Variants in HDAC9 observed in about 807,000 individuals in gnomAD.
HDAC9 encodes the protein histone deacetylase 9.
In HDAC9, 41 loss-of-function variants were observed where a neutral mutation model predicts 139.4. The ratio of observed to expected loss-of-function variants is 0.29; its 90% confidence interval spans 0.23 to 0.38. The LOEUF is 0.38. Ranked by LOEUF, HDAC9 falls within the 10% of genes least tolerant of loss-of-function variation. HDAC9 has a pLI of 1.00. For missense variants in HDAC9, 1,147 were observed against 1,297.0 expected (o/e 0.88, Z 1.78); for synonymous variants, 517 against 476.2 (o/e 1.09, Z -1.12).
intron 2 of HDAC9, among the ~76,000 whole-genome samples, chr7:18,561,494 T>G (rs1820581040): frequency 6.6e-6 from 1 of 152,206 alleles, no homozygotes; most frequent in Non-Finnish European, 1.5e-5. Flanking sequence ...TTGAGTATAT[T>G]TTAGTCTATT....
intron 6 of HDAC9, among the ~76,000 whole-genome samples, chr7:18,607,031 A>C (rs1424825282): frequency 6.6e-6 from 1 of 152,194 alleles, no homozygotes; most frequent in Non-Finnish European, 1.5e-5. Flanking sequence ...TACATTTTTT[A>C]CTTTAAAATA....
intron 1 of HDAC9, among the ~76,000 whole-genome samples, chr7:18,392,394 TA>T (rs1405420930): frequency 5.6e-5 from 7 of 124,148 alleles, no homozygotes; most frequent in Admixed American, 1.6e-4. Flanking sequence ...GATGGATAGA[TA>T]GATGGATAGA....
At chr7:18,193,358 C>T (rs1790491539) in intron 2 of HDAC9, among the ~76,000 whole-genome samples, 2 of 152,192 alleles carry the variant, frequency 1.3e-5, no homozygotes, top group African/African-American at 2.4e-5. Flanking sequence ...TTATTGAGCT[C>T]CTACTTAGTA....
intron 23 of HDAC9, among the ~76,000 whole-genome samples, chr7:18,950,332 G>C (rs1782704786): frequency 6.6e-6 from 1 of 152,038 alleles, no homozygotes; most frequent in Middle Eastern, 3.2e-3. Context: ...ATGCATAGGA[G>C]AAAATAATTG....
chr7:18,427,849 C>G (rs558876351), intron 1 of HDAC9, among the ~76,000 whole-genome samples: 46 of 152,006 alleles, frequency 3.0e-4, no homozygotes, highest in African/African-American at 1.1e-3. Context: ...AATTATTCAC[C>G]GTGCATAACT....
In HDAC9 at chr7:18,999,297, G is replaced by A. The variant is rs1003673336; in HGVS notation, c.*3235G>A. On this transcript the variant is annotated 3_prime_UTR_variant, in exon 26 of 26. Coordinates refer to ENST00000686413, the MANE Select transcript of HDAC9 (RefSeq NM_178425.4). ...CCCACAAAGGCTTCAGAAATTACAG[G>A]ACTGGTCTCTCTTAATAGTTTAGTC... 2 of 152,172 alleles carry A rather than the reference G, an allele frequency of 1.3e-5. No individual in the cohort carries two copies. Among genetic ancestry groups the A allele is most frequent in the African/African-American group, 4.8e-5 (2 of 41,422 alleles). The allele number at this position is 152,172 out of a possible 1,614,324, so 9.4% of individuals were successfully genotyped here.
intron 3 of HDAC9, among the ~76,000 whole-genome samples, chr7:18,588,100 A>G (rs1829955420): frequency 6.6e-6 from 1 of 152,186 alleles, no homozygotes; most frequent in African/African-American, 2.4e-5. Flanking sequence ...AGTAACCAGA[A>G]ATGCTTCTAA....
chr7:18,629,290 CA>C, intron 6 of HDAC9, 59 bp from the exon 7 acceptor site: 2 of 1,403,870 alleles, frequency 1.4e-6, no homozygotes, highest in Non-Finnish European at 1.9e-6. Flanking sequence ...AACACATGAG[CA>C]ATTGGCTCTC....
rs886084619 is a variant in HDAC9 at position 18,986,772 on chromosome 7, G to A, written c.3171-9251G>A. 6.2e-4 allele frequency among the ~76,000 whole-genome samples: 95 copies of A among 152,156 alleles called. 1 individual carries two copies. Among genetic ancestry groups the A allele is most frequent in the Middle Eastern group, 6.8e-3 (2 of 294 alleles). ...TGAGCAGTGGTTTGTAGTTCTCCTT[G>A]AAGAGGTCCTTCACATCCCTTGTAA... is the stretch of plus-strand genomic sequence containing the variant. On this transcript the variant is annotated intron_variant, in intron 25 of 25. Transcript: ENST00000686413.
chr7:18,399,845 A>T (rs1787377222), intron 1 of HDAC9, among the ~76,000 whole-genome samples: 1 of 152,220 alleles, frequency 6.6e-6, no homozygotes, highest in African/African-American at 2.4e-5. Flanking sequence ...GCACCTGTGT[A>T]GCTGGCAAAT....
At chr7:18,145,594 A>G (rs1215585994) in intron 1 of HDAC9, among the ~76,000 whole-genome samples, 1 of 152,248 alleles carries the variant, frequency 6.6e-6, no homozygotes, top group Non-Finnish European at 1.5e-5. Flanking sequence ...GAATGACTAT[A>G]TATTAGTACT....
At chr7:18,507,340 G>T (rs1426223606) in intron 2 of HDAC9, among the ~76,000 whole-genome samples, 1 of 150,768 alleles carries the variant, frequency 6.6e-6, no homozygotes, top group Non-Finnish European at 1.5e-5. Flanking sequence ...ACAGGCGCCC[G>T]CCACCACGCC....
chr7:18,698,168 T>C (rs1022749910), intron 12 of HDAC9, among the ~76,000 whole-genome samples: 2 of 152,226 alleles, frequency 1.3e-5, no homozygotes, highest in African/African-American at 2.4e-5. Context: ...ATGAGTTGAT[T>C]ATGTAAGCCC....
intron 1 of HDAC9, among the ~76,000 whole-genome samples, chr7:18,473,036 C>A (rs1264766022): frequency 6.6e-6 from 1 of 152,176 alleles, no homozygotes; most frequent in Non-Finnish European, 1.5e-5. Context: ...ATGTCAAAGC[C>A]ACGGAGAAGA....
chr7:18,140,427 C>A (rs1334812054), intron 1 of HDAC9, among the ~76,000 whole-genome samples: 1 of 152,122 alleles, frequency 6.6e-6, no homozygotes, highest in East Asian at 1.9e-4. Context: ...AAAATACTGT[C>A]TTCCACCGAA....
In HDAC9 at chr7:18,129,095, G is replaced by C. The variant is rs143495636; in HGVS notation, c.-96-33134G>C. Among the ~76,000 whole-genome samples the C allele has an allele frequency of 2.8e-4, 43 of 152,250 alleles. 2 individuals are homozygous for C. The highest frequency in any genetic ancestry group is 2.4e-3 in the Admixed American group (36 of 15,284). On this transcript the variant is annotated intron_variant, in intron 1 of 12. Coordinates refer to the HDAC9 transcript ENST00000417496. Reference sequence around the variant, plus strand: ...AGAACAATGCTGTGATTGAAGCAAGGAGACTGGGATTTGACTCTCGTGTCT... The same window carrying C: ...AGAACAATGCTGTGATTGAAGCAAGCAGACTGGGATTTGACTCTCGTGTCT...
At chr7:18,985,532 G>A (rs1168497788) in intron 25 of HDAC9, among the ~76,000 whole-genome samples, 5 of 152,078 alleles carry the variant, frequency 3.3e-5, no homozygotes, top group Admixed American at 2.0e-4. Flanking sequence ...ATAAACGTAC[G>A]TGTGCGTGTG....
chr7:18,796,525 G>A (rs1204141130), intron 17 of HDAC9, among the ~76,000 whole-genome samples: 1 of 152,194 alleles, frequency 6.6e-6, no homozygotes, highest in African/African-American at 2.4e-5. Context: ...GTGGAGCTCA[G>A]TGAAAATCAT....
At chr7:18,973,437 A>G (rs945793863) in intron 24 of HDAC9, among the ~76,000 whole-genome samples, 34 of 152,224 alleles carry the variant, frequency 2.2e-4, no homozygotes, top group African/African-American at 8.2e-4. Context: ...TAGATGGTAT[A>G]TGGAATTTTC....
Sources: allele counts gnomAD v4.1 joint callset (sites outside exome capture counted in the v4.1 genomes callset), GRCh38; gene constraint gnomAD v4.1.1; transcripts MANE v1.5; gene names NCBI Gene and HGNC (gene_info 2026-07-23, HGNC 2026-07-21).